CHCHD3: variants seen among roughly 807,000 people sequenced by gnomAD.
CHCHD3 encodes the protein MICOS complex subunit MIC19.
In CHCHD3, 20 loss-of-function variants were observed where a neutral mutation model predicts 38.2. The ratio of observed to expected loss-of-function variants is 0.52; its 90% confidence interval spans 0.37 to 0.76. The LOEUF is 0.76. CHCHD3 is among the 30% of genes least tolerant of loss of function. CHCHD3 has a pLI of 0.00. For synonymous variants in CHCHD3, 82 were observed against 100.0 expected, an observed-to-expected ratio of 0.82 and a Z score of 1.07; for missense variants, 245 against 279.2, an observed-to-expected ratio of 0.88 and a Z score of 0.87.
intron 5 of CHCHD3, among the ~76,000 whole-genome samples, chr7:132,841,047 T>C (rs1017126569): frequency 2.0e-5 from 3 of 152,118 alleles, no homozygotes; most frequent in African/African-American, 7.2e-5. Flanking sequence ...CAGTTTCCCA[T>C]ATTGCATAAA....
chr7:132,947,000 T>C (rs1013464314), intron 4 of CHCHD3, among the ~76,000 whole-genome samples: 35 of 151,956 alleles, frequency 2.3e-4, no homozygotes, highest in Non-Finnish European at 3.5e-4. Context: ...TGCTAAACAG[T>C]TATAAACCTT....
intron 1 of CHCHD3, among the ~76,000 whole-genome samples, chr7:133,077,292 C>T (rs1211362620): frequency 1.3e-5 from 2 of 152,188 alleles, no homozygotes; most frequent in Admixed American, 6.5e-5. Flanking sequence ...CATTCCTCAA[C>T]ACTCCCAAGG....
At chr7:132,872,588 C>T (rs527848221) in intron 5 of CHCHD3, among the ~76,000 whole-genome samples, 5 of 152,330 alleles carry the variant, frequency 3.3e-5, no homozygotes, top group East Asian at 3.9e-4. Flanking sequence ...TTAGCCTATA[C>T]GCTATAGCCG....
At chr7:132,816,915 A>G (rs971762089) in intron 6 of CHCHD3, among the ~76,000 whole-genome samples, 1 of 152,252 alleles carries the variant, frequency 6.6e-6, no homozygotes, top group Admixed American at 6.5e-5. Flanking sequence ...AAATCTTGCC[A>G]GAATTCAATA....
intron 2 of CHCHD3, among the ~76,000 whole-genome samples, chr7:133,025,974 A>C (rs916640233): frequency 1.3e-5 from 2 of 152,250 alleles, no homozygotes; most frequent in African/African-American, 4.8e-5. Context: ...GGCATGAGGC[A>C]ATCACAAAGA....
chr7:132,867,987 T>C (rs1399816604), intron 5 of CHCHD3, among the ~76,000 whole-genome samples: 1 of 152,172 alleles, frequency 6.6e-6, no homozygotes, highest in African/African-American at 2.4e-5. Context: ...GTTATGCCTT[T>C]ATCTTTACAC....
intron 4 of CHCHD3, among the ~76,000 whole-genome samples, chr7:132,946,178 G>A (rs1232949639): frequency 1.3e-5 from 2 of 151,212 alleles, no homozygotes; most frequent in Non-Finnish European, 3.0e-5. Context: ...ATATATGTGT[G>A]TGTGTGTGTG....
chr7:132,961,724 C>A (rs1488542589), intron 4 of CHCHD3, among the ~76,000 whole-genome samples: 2 of 152,208 alleles, frequency 1.3e-5, no homozygotes, highest in East Asian at 3.8e-4. Context: ...CTTCGATCCA[C>A]AGAACTTATT....
At chr7:133,027,447 A>C in intron 2 of CHCHD3, among the ~76,000 whole-genome samples, 1 of 29,214 alleles carries the variant, frequency 3.4e-5, no homozygotes, top group African/African-American at 1.3e-4. Flanking sequence ...GGAGGGAGGG[A>C]GGGGGGGAGA....
chr7:132,934,347 T>C (rs1810585592), intron 4 of CHCHD3, among the ~76,000 whole-genome samples: 1 of 152,190 alleles, frequency 6.6e-6, no homozygotes, highest in Non-Finnish European at 1.5e-5. Flanking sequence ...ATCGTGGTCC[T>C]GGGCTCACAC....
At chr7:132,936,921 G>T (rs138983104) in intron 4 of CHCHD3, among the ~76,000 whole-genome samples, 47 of 152,264 alleles carry the variant, frequency 3.1e-4, no homozygotes, top group African/African-American at 1.1e-3. Flanking sequence ...CAAGAAAATT[G>T]GAGTTGCTCA....
intron 5 of CHCHD3, among the ~76,000 whole-genome samples, chr7:132,873,570 G>T (rs1352313139): frequency 6.6e-6 from 1 of 151,834 alleles, no homozygotes; most frequent in Non-Finnish European, 1.5e-5. Context: ...GGTGCCAATG[G>T]TGGATGTTTT....
intron 5 of CHCHD3, among the ~76,000 whole-genome samples, chr7:132,882,504 CA>C (rs1809092294): frequency 7.0e-6 from 1 of 142,766 alleles, no homozygotes; most frequent in Non-Finnish European, 1.5e-5. Flanking sequence ...TATATATTCA[CA>C]ATAATTTGAT....
Position 132,874,563 on chromosome 7 carries a change from C to T in CHCHD3, c.453+11099G>A, listed in dbSNP as rs1204631138. Among the ~76,000 whole-genome samples the T allele has an allele frequency of 2.2e-5, 3 of 137,858 alleles. No individual in the cohort carries two copies. The East Asian group carries it at 6.1e-4, about 28-fold the overall frequency. The allele number at this position is 137,858 out of a possible 152,430, so 90.4% of individuals were successfully genotyped here. ...ATTTAATTACCTTCCTACTTCATTT[C>T]ATAAAAGGGAAGAATATTCTGGTTC... On this transcript the variant is annotated intron_variant, in intron 5 of 7. Transcript: ENST00000262570.
chr7:132,918,637 C>A (rs763970258), intron 4 of CHCHD3, among the ~76,000 whole-genome samples: 3 of 152,128 alleles, frequency 2.0e-5, no homozygotes, highest in Non-Finnish European at 4.4e-5. Context: ...TCAGTGAGAA[C>A]TAAAAGACTT....
chr7:132,892,324 C>T (rs1458281838), intron 4 of CHCHD3, among the ~76,000 whole-genome samples: 3 of 152,152 alleles, frequency 2.0e-5, no homozygotes, highest in Admixed American at 6.5e-5. Flanking sequence ...GTGACACTTG[C>T]TATGCTTTAG....
intron 1 of CHCHD3, among the ~76,000 whole-genome samples, chr7:133,070,811 G>A (rs1260979104): frequency 6.6e-6 from 1 of 152,196 alleles, no homozygotes; most frequent in African/African-American, 2.4e-5. Context: ...AACATGAAGA[G>A]TGCTACCTGA....
chr7:132,985,369 A>G (rs1214273848), intron 3 of CHCHD3, among the ~76,000 whole-genome samples: 529 of 23,386 alleles, frequency 0.023, no homozygotes, highest in Middle Eastern at 0.042. Flanking sequence ...CCGTCCGGGA[A>G]GGAGGTGGGG....
chr7:132,831,887 C>A (rs1255728036), intron 6 of CHCHD3, among the ~76,000 whole-genome samples: 4 of 152,076 alleles, frequency 2.6e-5, no homozygotes, highest in East Asian at 3.9e-4. Context: ...TCTTTAAACA[C>A]CATTGCTTAA....
Sources: gnomAD v4.1 joint callset for allele counts (sites outside exome capture counted in the v4.1 genomes callset) on GRCh38, gnomAD v4.1.1 for gene constraint, MANE v1.5 for transcripts, NCBI Gene and HGNC (gene_info 2026-07-23, HGNC 2026-07-21) for gene names.